Variants in SEC14L1 observed in about 807,000 individuals in gnomAD.
SEC14L1 encodes the protein SEC14 like lipid binding 1.
A neutral mutation model predicts 85.3 loss-of-function variants in SEC14L1; 48 were observed. The ratio of observed to expected loss-of-function variants is 0.56; its 90% CI spans 0.45 to 0.72. SEC14L1 has a LOEUF of 0.72. Ranked by LOEUF, SEC14L1 falls within the 30% of genes least tolerant of loss-of-function variation. The probability of loss-of-function intolerance (pLI) is 0.00; values close to 1 mark genes in which losing one functional copy is unlikely to be tolerated. For missense variants in SEC14L1, 682 were observed against 921.4 expected, an observed-to-expected ratio of 0.74 and a Z score of 3.36; for synonymous variants, 391 against 355.5, an observed-to-expected ratio of 1.10 and a Z score of -1.12.
intron 3 of SEC14L1, among the ~76,000 whole-genome samples, chr17:77,125,143 T>C (rs1347105120): frequency 1.3e-5 from 2 of 151,852 alleles, no homozygotes; most frequent in Non-Finnish European, 2.9e-5. Flanking sequence ...CAGCTGGGAC[T>C]ACAGGCGCCC....
intron 3 of SEC14L1, among the ~76,000 whole-genome samples, chr17:77,179,841 A>AT (rs959762659): frequency 1.1e-4 from 16 of 150,032 alleles, no homozygotes; most frequent in Non-Finnish European, 1.8e-4. Flanking sequence ...CGCCCGGCTA[A>AT]TTTTTTTTTG....
At chr17:77,103,374 A>C (rs1020226188) in intron 3 of SEC14L1, among the ~76,000 whole-genome samples, 1 of 151,762 alleles carries the variant, frequency 6.6e-6, no homozygotes, top group African/African-American at 2.4e-5. Flanking sequence ...CGGCCTCCCA[A>C]AGTCCCGGGA....
At chr17:77,131,840 G>C (rs485500) in intron 3 of SEC14L1, among the ~76,000 whole-genome samples, 108,915 of 152,172 alleles carry the variant, frequency 0.72, 40,303 homozygotes, top group African/African-American at 0.9. Context: ...GCTAGTAGTA[G>C]GAAGGGTGTC....
intron 3 of SEC14L1, among the ~76,000 whole-genome samples, chr17:77,173,132 C>T (rs1004968369): frequency 6.6e-6 from 1 of 152,190 alleles, no homozygotes; most frequent in African/African-American, 2.4e-5. Context: ...TTTGAGCTCC[C>T]TTTGTAGGTT....
intron 3 of SEC14L1, among the ~76,000 whole-genome samples, chr17:77,169,511 A>G (rs1974437236): frequency 6.6e-6 from 1 of 152,218 alleles, no homozygotes; most frequent in African/African-American, 2.4e-5. Context: ...CCTAACAGTC[A>G]ATTTTGTTTA....
rs542343775 is a variant in SEC14L1, at chr17:77,216,483, C to T, written c.*2460C>T. 1.9e-6 allele frequency: 3 copies of T among 1,612,524 alleles called. No individual in the cohort carries two copies. The East Asian group carries it at 6.7e-5, about 36-fold the overall frequency. ...CTGTGCTGCTTCCACCTGGTGCTTC[C>T]TGTTCCCAAATCACAAGGGCCTGAA... On this transcript the variant is annotated 3_prime_UTR_variant, in exon 17 of 17. Transcript: ENST00000436233.
chr17:77,159,095 T>C (rs7501813), intron 3 of SEC14L1, among the ~76,000 whole-genome samples: 140,716 of 150,060 alleles, frequency 0.94, 65,687 homozygotes, highest in African/African-American at 0.96. Context: ...GAAATAAACT[T>C]TCACTCTGTC....
At chr17:77,132,769 C>T (rs1005991792) in intron 3 of SEC14L1, among the ~76,000 whole-genome samples, 4 of 151,978 alleles carry the variant, frequency 2.6e-5, no homozygotes, top group Non-Finnish European at 4.4e-5. Context: ...GCTCTGGAGG[C>T]TGAAATTTTA....
At chr17:77,205,182 G>A in intron 10 of SEC14L1, 94 bp from the exon 11 acceptor site, 2 of 1,055,376 alleles carry the variant, frequency 1.9e-6, no homozygotes, top group South Asian at 2.6e-5. Flanking sequence ...ATGCTTATCT[G>A]TAATACGCTG....
At chr17:77,161,412 C>T (rs1044626852) in intron 3 of SEC14L1, among the ~76,000 whole-genome samples, 7 of 151,844 alleles carry the variant, frequency 4.6e-5, no homozygotes, top group South Asian at 2.1e-4. Flanking sequence ...ACTTGAGCCG[C>T]GGGGATGGGG....
rs779360100 is a variant in SEC14L1 at position 77,197,039 on chromosome 17, C to T, written c.819+728C>T. Among the ~76,000 whole-genome samples the T allele has an allele frequency of 3.0e-4, 46 of 152,322 alleles. 1 individual carries two copies. Among genetic ancestry groups the T allele is most frequent in the Non-Finnish European group, 5.7e-4 (39 of 68,030 alleles). ...GGCACAGAGCAGTGAAGTAACCTGC[C>T]TGAGGTCTCACAGCCAGCGAGTGGT... On this transcript the variant is annotated intron_variant, in intron 8 of 16. Coordinates refer to ENST00000436233, the MANE Select transcript of SEC14L1 (RefSeq NM_001143998.2).
chr17:77,120,729 G>A (rs150109389), intron 3 of SEC14L1, among the ~76,000 whole-genome samples: 4 of 152,176 alleles, frequency 2.6e-5, no homozygotes, highest in Admixed American at 2.6e-4. Context: ...CACCGGTCTC[G>A]GCCTCCCAAA....
intron 3 of SEC14L1, among the ~76,000 whole-genome samples, chr17:77,148,013 T>G (rs1021946204): frequency 1.3e-5 from 2 of 152,144 alleles, no homozygotes; most frequent in Admixed American, 1.3e-4. Context: ...TCCCACAGAT[T>G]AGGAACTTAG....
At chr17:77,126,499 T>C (rs12603490) in intron 3 of SEC14L1, among the ~76,000 whole-genome samples, 35,866 of 152,124 alleles carry the variant, frequency 0.24, 4,363 homozygotes, top group African/African-American at 0.28. Context: ...GCAGAACTCT[T>C]TGTGCCTCGG....
intron 3 of SEC14L1, among the ~76,000 whole-genome samples, chr17:77,163,768 A>T (rs945412487): frequency 6.6e-6 from 1 of 152,196 alleles, no homozygotes; most frequent in African/African-American, 2.4e-5. Context: ...TAAAACCCCC[A>T]GCCTTCCGTT....
intron 3 of SEC14L1, among the ~76,000 whole-genome samples, chr17:77,095,854 C>T (rs766012775): frequency 1.3e-5 from 2 of 151,846 alleles, no homozygotes; most frequent in Non-Finnish European, 2.9e-5. Context: ...AATAAATAAA[C>T]AGCCTTCACT....
At position 77,106,547 on chromosome 17, in the gene SEC14L1, C is replaced by CA. The variant is rs558338553; in HGVS notation, c.-136+13207dup. On this transcript the variant is annotated intron_variant, in intron 3 of 19. Transcript: ENST00000392476. ...ACTTTATCTCAAAAAGATAAAACAA[C>CA]AAAAAAATTATGGGAGGCTGAGGCG... Among the ~76,000 whole-genome samples the CA allele has an allele frequency of 3.3e-4, 50 of 149,994 alleles. No homozygotes were observed. The East Asian group carries it at 8.3e-3, about 25-fold the overall frequency.
At chr17:77,163,754 C>T (rs1245669960) in intron 3 of SEC14L1, among the ~76,000 whole-genome samples, 1 of 152,236 alleles carries the variant, frequency 6.6e-6, no homozygotes, top group Non-Finnish European at 1.5e-5. Flanking sequence ...TTTTCTCTTT[C>T]TCATAAAACC....
At chr17:77,194,307 C>G (rs1337029653) in intron 6 of SEC14L1, among the ~76,000 whole-genome samples, 1 of 152,156 alleles carries the variant, frequency 6.6e-6, no homozygotes, top group Non-Finnish European at 1.5e-5. Context: ...GTAATCCCAG[C>G]ACTTTGGGAG....
Sources: allele counts gnomAD v4.1 joint callset (sites outside exome capture counted in the v4.1 genomes callset), GRCh38; gene constraint gnomAD v4.1.1; transcripts MANE v1.5; gene names NCBI Gene and HGNC (gene_info 2026-07-23, HGNC 2026-07-21).